TBC1D22A: variants seen among roughly 807,000 people sequenced by gnomAD.
TBC1D22A encodes the protein TBC1 domain family member 22A.
TBC1D22A carries 38 observed loss-of-function variants against 60.2 expected under a neutral mutation model. That is an observed-to-expected ratio of 0.63 (90% CI 0.49 to 0.83). The LOEUF (loss-of-function observed/expected upper bound fraction) is 0.83. Ranked by LOEUF, TBC1D22A falls within the 40% of genes least tolerant of loss-of-function variation. The pLI is 0.00. For synonymous variants in TBC1D22A, 302 were observed against 281.7 expected (o/e 1.07, Z -0.72); for missense variants, 628 against 701.0 (o/e 0.90, Z 1.18).
intron 12 of TBC1D22A, among the ~76,000 whole-genome samples, chr22:47,165,364 A>G (rs1271709531): frequency 5.9e-5 from 9 of 152,130 alleles, no homozygotes; most frequent in Non-Finnish European, 1.2e-4. Flanking sequence ...GATGAGCACG[A>G]AACAACAGGG....
intron 12 of TBC1D22A, among the ~76,000 whole-genome samples, chr22:47,150,855 G>T (rs1364604012): frequency 6.6e-6 from 1 of 152,064 alleles, no homozygotes; most frequent in East Asian, 1.9e-4. Flanking sequence ...AGAGACCTCC[G>T]CCCCCACCAC....
At chr22:46,909,850 G>A (rs534595014) in intron 7 of TBC1D22A, among the ~76,000 whole-genome samples, 10 of 152,310 alleles carry the variant, frequency 6.6e-5, no homozygotes, top group South Asian at 2.1e-4. Context: ...CTTGCTTCAC[G>A]CCCTAGGGGC....
chr22:47,079,015 A>G (rs1295544755), intron 11 of TBC1D22A, among the ~76,000 whole-genome samples: 2 of 151,884 alleles, frequency 1.3e-5, no homozygotes, highest in Non-Finnish European at 2.9e-5. Context: ...ATATACGAAC[A>G]AGAGAGCGCT....
intron 11 of TBC1D22A, among the ~76,000 whole-genome samples, chr22:47,080,740 A>G (rs1444588835): frequency 6.6e-6 from 1 of 152,164 alleles, no homozygotes; most frequent in African/African-American, 2.4e-5. Flanking sequence ...AGTAGAGGGA[A>G]GGAAATGAAA....
At chr22:46,826,826 C>T (rs941293139) in intron 4 of TBC1D22A, among the ~76,000 whole-genome samples, 2 of 152,194 alleles carry the variant, frequency 1.3e-5, no homozygotes, top group African/African-American at 4.8e-5. Context: ...CCTGGGCAGA[C>T]GCTTGCCCCA....
chr22:46,994,498 T>C (rs2075053071), intron 9 of TBC1D22A, among the ~76,000 whole-genome samples: 1 of 152,252 alleles, frequency 6.6e-6, no homozygotes, highest in African/African-American at 2.4e-5. Flanking sequence ...TCCAGGTCTG[T>C]CTGTTATTCA....
chr22:47,019,465 T>C (rs1384961048), intron 10 of TBC1D22A, among the ~76,000 whole-genome samples: 1 of 152,164 alleles, frequency 6.6e-6, no homozygotes, highest in Non-Finnish European at 1.5e-5. Flanking sequence ...CGTGAAGGAC[T>C]GAGTTGAAGA....
intron 6 of TBC1D22A, among the ~76,000 whole-genome samples, chr22:46,893,376 C>T (rs1569183887): frequency 6.6e-6 from 1 of 152,124 alleles, no homozygotes; most frequent in Non-Finnish European, 1.5e-5. Context: ...TGCACAGAGC[C>T]CCACCTGCCC....
At chr22:47,008,512 C>T (rs534229344) in intron 10 of TBC1D22A, among the ~76,000 whole-genome samples, 2 of 152,350 alleles carry the variant, frequency 1.3e-5, no homozygotes, top group South Asian at 4.1e-4. Flanking sequence ...CATTTCAGGA[C>T]CAGTCTTTGT....
chr22:47,049,202 C>T (rs74513139), intron 11 of TBC1D22A, among the ~76,000 whole-genome samples: 3,670 of 152,334 alleles, frequency 0.024, 149 homozygotes, highest in African/African-American at 0.082. Flanking sequence ...GATATTCAGA[C>T]GGTTTCCTGG....
intron 4 of TBC1D22A, among the ~76,000 whole-genome samples, chr22:46,877,925 C>A (rs1178850123): frequency 6.6e-6 from 1 of 152,172 alleles, no homozygotes; most frequent in African/African-American, 2.4e-5. Context: ...CAGCCTTACC[C>A]CTCTGCCTGA....
At chr22:47,048,177 C>T (rs1034704894) in intron 11 of TBC1D22A, among the ~76,000 whole-genome samples, 3 of 152,142 alleles carry the variant, frequency 2.0e-5, no homozygotes, top group African/African-American at 7.2e-5. Flanking sequence ...CCAGGCTGGG[C>T]CCTGCTGCTG....
chr22:47,124,846 G>T lies in TBC1D22A; in HGVS notation c.1425+13243G>T, dbSNP rs772776679. Among the ~76,000 whole-genome samples the T allele has an allele frequency of 3.3e-5, 5 of 152,094 alleles. No individual in the cohort carries two copies. The South Asian group carries it at 6.2e-4, about 19-fold the overall frequency. The stretch of plus-strand genomic sequence containing the variant: ...CAGCTGGTGTGAGGACACTGAGGCA[G>T]CAGTGCCGCAGGGCCACTGGGAGGA... On this transcript the variant is annotated intron_variant, in intron 12 of 12. Transcript: ENST00000337137.
At chr22:47,038,092 G>A (rs181678540) in intron 11 of TBC1D22A, among the ~76,000 whole-genome samples, 1 of 152,274 alleles carries the variant, frequency 6.6e-6, no homozygotes, top group East Asian at 1.9e-4. Context: ...TTGCTGAAGC[G>A]GAGGCGGTGC....
rs75420002 is a variant in TBC1D22A, at chr22:46,777,250, A to G, written c.62+14402A>G. 2.7e-5 allele frequency among the ~76,000 whole-genome samples: 3 copies of G among 111,118 alleles called. No homozygotes were observed. In the East Asian group the frequency reaches 9.1e-4, roughly 34 times the overall value. The allele number at this position is 111,118 out of a possible 152,430, so 72.9% of individuals were successfully genotyped here. On this transcript the variant is annotated intron_variant, in intron 1 of 12. Transcript: ENST00000337137. This position sits in a 1 kb window ranked among gnomAD's most constrained non-coding sequence, Gnocchi z 4.5. ...AGTGGGACAGAGGGTTTTCGATGCC[A>G]GGACATGGGCCAGTGAGAGCCAGGG...
chr22:47,128,713 C>T (rs545647364), intron 12 of TBC1D22A, among the ~76,000 whole-genome samples: 3 of 152,180 alleles, frequency 2.0e-5, no homozygotes, highest in East Asian at 2.0e-4. Flanking sequence ...AACCCAAGCC[C>T]GGTGGCCCTG....
intron 8 of TBC1D22A, among the ~76,000 whole-genome samples, chr22:46,972,758 G>A (rs1168989944): frequency 6.6e-6 from 1 of 152,202 alleles, no homozygotes; most frequent in East Asian, 1.9e-4. Context: ...ACGCTAAAGA[G>A]TGGATTTTAT....
At position 46,907,069 on chromosome 22, in the gene TBC1D22A, G is replaced by T. The variant is rs1235298699; in HGVS notation, c.901-5005G>T. ...TGTGTGCATGTGCTCTTCTCCACATGTGTGCTCTTCTGTGTGTGTGTGCTC... is the reference window on the plus strand; with the variant it reads ...TGTGTGCATGTGCTCTTCTCCACATTTGTGCTCTTCTGTGTGTGTGTGCTC... On this transcript the variant is annotated intron_variant, in intron 7 of 12. Coordinates refer to ENST00000337137, the MANE Select transcript of TBC1D22A (RefSeq NM_014346.5). Among the ~76,000 whole-genome samples the T allele has an allele frequency of 2.9e-5, 4 of 138,324 alleles. No individual in the cohort carries two copies. In the South Asian group the frequency reaches 9.6e-4, roughly 33 times the overall value. 90.7% of individuals were successfully genotyped at this position (138,324 alleles called of 152,430 possible).
chr22:47,079,792 T>C (rs958330561), intron 11 of TBC1D22A, among the ~76,000 whole-genome samples: 1 of 152,200 alleles, frequency 6.6e-6, no homozygotes, highest in African/African-American at 2.4e-5. Flanking sequence ...TATTAACAGT[T>C]ATGTTAGATA....
Sources: allele counts gnomAD v4.1 joint callset (sites outside exome capture counted in the v4.1 genomes callset), GRCh38; gene constraint gnomAD v4.1.1; non-coding constraint Gnocchi (gnomAD v3.1); transcripts MANE v1.5; gene names NCBI Gene and HGNC (gene_info 2026-07-23, HGNC 2026-07-21).